The following VOPP1 variants were observed in gnomAD, a reference collection of about 807,000 sequenced individuals.
The protein encoded by VOPP1 is WW domain binding protein VOPP1.
Under a neutral mutation model 23.5 loss-of-function variants are expected in VOPP1, and 8 were observed. The ratio of observed to expected loss-of-function variants is 0.34; its 90% CI spans 0.20 to 0.61. The LOEUF is 0.61. Among genes scored for constraint, VOPP1 ranks in the 20% least tolerant of loss-of-function variants. VOPP1 has a pLI of 0.78. For synonymous variants in VOPP1, 83 were observed against 97.3 expected (o/e 0.85, Z 0.86); for missense variants, 174 against 238.1 (o/e 0.73, Z 1.77).
chr7:55,532,279 T>C (rs1199140878), intron 1 of VOPP1, among the ~76,000 whole-genome samples: 1 of 152,246 alleles, frequency 6.6e-6, no homozygotes, highest in Non-Finnish European at 1.5e-5. Context: ...GCCTGAACAG[T>C]GACCCAACCA....
At chr7:55,510,063 GA>G (rs1794976575) in intron 2 of VOPP1, among the ~76,000 whole-genome samples, 1 of 152,192 alleles carries the variant, frequency 6.6e-6, no homozygotes, top group African/African-American at 2.4e-5. Flanking sequence ...ATAAGATGCA[GA>G]TGAACTGGGG....
At chr7:55,462,252 T>C (rs934244920) in intron 4 of VOPP1, among the ~76,000 whole-genome samples, 7 of 152,204 alleles carry the variant, frequency 4.6e-5, no homozygotes, top group African/African-American at 1.4e-4. Context: ...TTTTCTCTTA[T>C]TGATTTTAGA....
rs779363000 is a variant in VOPP1, at chr7:55,472,885, G to A, written c.489C>T (p.Pro163=). Residue 163 remains proline, a synonymous_variant, in exon 5 of 5, where the codon CCC becomes CCT. Coordinates refer to ENST00000285279, the MANE Select transcript of VOPP1 (RefSeq NM_030796.5). ...PPPAYCNTPP[P]PYEQVVKAK is the part of the protein sequence containing the mutation. ...TGGCCTTCACTACCTGTTCGTACGG[G>A]GGCGGAGGCGTGTTGCAGTAGGCTG... The A allele has an allele frequency of 9.0e-6, 13 of 1,447,552 alleles. No individual in the cohort carries two copies. In the South Asian group the frequency reaches 1.4e-4, roughly 16 times the overall value. 89.7% of individuals were successfully genotyped at this position (1,447,552 alleles called of 1,614,324 possible).
At chr7:55,564,243 G>GTCTCTCTCTGTCTC (rs1554302408) in intron 1 of VOPP1, among the ~76,000 whole-genome samples, 2 of 125,896 alleles carry the variant, frequency 1.6e-5, no homozygotes, top group Non-Finnish European at 3.3e-5. Flanking sequence ...CTCTGTCTCT[G>GTCTCTCTCTGTCTC]TCTCTCTCTC....
At chr7:55,537,704 G>T in intron 1 of VOPP1, 1 of 1,436,332 alleles carries the variant, frequency 7.0e-7, no homozygotes, top group Non-Finnish European at 9.1e-7. Context: ...TACCATGGAG[G>T]ACGCTACAAG....
chr7:55,536,819 G>GC (rs1232355561), intron 1 of VOPP1, among the ~76,000 whole-genome samples: 1 of 152,152 alleles, frequency 6.6e-6, no homozygotes, highest in African/African-American at 2.4e-5. Context: ...ACGGAAGGGC[G>GC]CACCGTACCC....
intron 1 of VOPP1, among the ~76,000 whole-genome samples, chr7:55,541,471 T>C (rs984250185): frequency 2.6e-5 from 4 of 152,212 alleles, no homozygotes; most frequent in Admixed American, 6.5e-5. Flanking sequence ...TAACAAGTAT[T>C]GGCGAAAATG....
intron 1 of VOPP1, among the ~76,000 whole-genome samples, chr7:55,558,196 T>C (rs1278391110): frequency 6.6e-6 from 1 of 152,128 alleles, no homozygotes; most frequent in Non-Finnish European, 1.5e-5. Flanking sequence ...TGCTAAGGGG[T>C]AGACCTTATG....
chr7:55,457,502 T>C (rs1382576709), intron 4 of VOPP1, among the ~76,000 whole-genome samples: 1 of 152,006 alleles, frequency 6.6e-6, no homozygotes, highest in East Asian at 1.9e-4. Flanking sequence ...TTTAGTAGTC[T>C]GATTTAGTGG....
intron 4 of VOPP1, among the ~76,000 whole-genome samples, chr7:55,479,261 C>T (rs1285529937): frequency 6.6e-6 from 1 of 151,606 alleles, no homozygotes; most frequent in Non-Finnish European, 1.5e-5. Context: ...CCCATTAACT[C>T]GTCATTTAGC....
At chr7:55,561,645 C>G (rs567072386) in intron 1 of VOPP1, among the ~76,000 whole-genome samples, 1 of 142,262 alleles carries the variant, frequency 7.0e-6, no homozygotes, top group African/African-American at 2.6e-5. Context: ...TGCAGTGAGC[C>G]AAGATCATGC....
intron 1 of VOPP1, chr7:55,538,682 CA>C (rs766382112): frequency 6.5e-7 from 1 of 1,535,000 alleles, no homozygotes; most frequent in South Asian, 1.2e-5. Context: ...AAAACAGCTA[CA>C]AACTACTTAG....
chr7:55,485,583 G>GC (rs1207144062), intron 4 of VOPP1, among the ~76,000 whole-genome samples: 3 of 152,172 alleles, frequency 2.0e-5, no homozygotes, highest in Non-Finnish European at 4.4e-5. Context: ...AGTCACTGTC[G>GC]CCCTGTCCTC....
At chr7:55,538,385 T>G (rs1746668796) in intron 1 of VOPP1, among the ~76,000 whole-genome samples, 1 of 152,164 alleles carries the variant, frequency 6.6e-6, no homozygotes. Context: ...ATATCCAACA[T>G]CTTATTCAGA....
chr7:55,520,737 T>A (rs1343880375), intron 2 of VOPP1, among the ~76,000 whole-genome samples: 2 of 152,260 alleles, frequency 1.3e-5, no homozygotes, highest in African/African-American at 4.8e-5. Context: ...TCTGCTCCTA[T>A]GATCCTTTCT....
intron 4 of VOPP1, among the ~76,000 whole-genome samples, chr7:55,485,561 G>C (rs1370888711): frequency 6.6e-6 from 1 of 152,212 alleles, no homozygotes; most frequent in Non-Finnish European, 1.5e-5. Flanking sequence ...TTTTCTATGA[G>C]AGGAGGTCGG....
intron 4 of VOPP1, among the ~76,000 whole-genome samples, chr7:55,481,707 T>C (rs1197978406): frequency 6.6e-6 from 1 of 152,090 alleles, no homozygotes; most frequent in African/African-American, 2.4e-5. Flanking sequence ...CTACTGGGAG[T>C]AGTAACTACT....
chr7:55,508,457 TGA>T (rs1438008871), intron 2 of VOPP1, among the ~76,000 whole-genome samples: 3 of 152,158 alleles, frequency 2.0e-5, no homozygotes, highest in African/African-American at 7.2e-5. Context: ...TTTCTACAGA[TGA>T]GGTTTCACTA....
intron 4 of VOPP1, among the ~76,000 whole-genome samples, chr7:55,460,645 T>C (rs920823958): frequency 2.6e-5 from 4 of 152,206 alleles, no homozygotes; most frequent in Admixed American, 2.6e-4. Flanking sequence ...AGTTCTTGCT[T>C]TTAATGTCAA....
Sources: allele counts gnomAD v4.1 joint callset (sites outside exome capture counted in the v4.1 genomes callset), GRCh38; gene constraint gnomAD v4.1.1; transcripts MANE v1.5; gene names NCBI Gene and HGNC (gene_info 2026-07-23, HGNC 2026-07-21).